RELN: variants seen among roughly 807,000 people sequenced by gnomAD.
The protein encoded by RELN is reelin.
RELN carries 108 observed loss-of-function variants against 427.6 expected under a neutral mutation model. The observed-to-expected ratio is 0.25, with a 90% confidence interval of 0.22 to 0.30. RELN has a LOEUF of 0.30. Among genes scored for constraint, RELN ranks in the 10% least tolerant of loss-of-function variants. The pLI is 1.00. For missense variants in RELN, 3,715 were observed against 4,302.8 expected (o/e 0.86, Z 3.82); for synonymous variants, 1,524 against 1,513.4 (o/e 1.01, Z -0.16).
intron 1 of RELN, among the ~76,000 whole-genome samples, chr7:103,974,590 A>G (rs10237086): frequency 0.7 from 106,357 of 152,156 alleles, 37,756 homozygotes; most frequent in African/African-American, 0.82. Flanking sequence ...CTTAACTTAT[A>G]GGATATCAAT....
intron 2 of RELN, among the ~76,000 whole-genome samples, chr7:103,853,440 T>C (rs1241893520): frequency 6.6e-6 from 1 of 152,024 alleles, no homozygotes; most frequent in Non-Finnish European, 1.5e-5. Flanking sequence ...TGAATGAGTA[T>C]ATTTCTACCA....
intron 2 of RELN, among the ~76,000 whole-genome samples, chr7:103,854,451 T>A (rs10244283): frequency 0.14 from 21,769 of 152,186 alleles, 1,851 homozygotes; most frequent in East Asian, 0.39. Flanking sequence ...ATTGCTTTTT[T>A]AAAATATTTT....
intron 3 of RELN, among the ~76,000 whole-genome samples, chr7:103,819,722 TATTTCAAATAATGAAA>T (rs1251689454): frequency 6.6e-6 from 1 of 152,066 alleles, no homozygotes; most frequent in African/African-American, 2.4e-5. Flanking sequence ...TTTCAAAAAA[TATTTCAAATAATGAAA>T]TATTTGAGAA....
intron 50 of RELN, among the ~76,000 whole-genome samples, chr7:103,514,406 T>C (rs1225890933): frequency 6.6e-6 from 1 of 152,178 alleles, no homozygotes; most frequent in Admixed American, 6.5e-5. Context: ...ACGCCTGTAA[T>C]CTCAGCACAC....
chr7:103,590,281 C>T (rs747606237), intron 27 of RELN, among the ~76,000 whole-genome samples: 7 of 152,132 alleles, frequency 4.6e-5, no homozygotes, highest in East Asian at 1.9e-4. Flanking sequence ...CAGTGTCAAC[C>T]GGCTGGGTGC....
chr7:103,498,897 G>T (rs1287476077), intron 53 of RELN, among the ~76,000 whole-genome samples: 1 of 152,142 alleles, frequency 6.6e-6, no homozygotes, highest in Non-Finnish European at 1.5e-5. Flanking sequence ...TTATTGTAAT[G>T]TATTATATTA....
intron 11 of RELN, among the ~76,000 whole-genome samples, chr7:103,681,393 A>G (rs1003064475): frequency 6.6e-6 from 1 of 152,204 alleles, no homozygotes; most frequent in African/African-American, 2.4e-5. Flanking sequence ...ATGAAATTAT[A>G]TTTAATGTTA....
chr7:103,983,779 T>C (rs1015088785), intron 1 of RELN, among the ~76,000 whole-genome samples: 2 of 152,154 alleles, frequency 1.3e-5, no homozygotes, highest in Non-Finnish European at 2.9e-5. Context: ...CATTCCAACC[T>C]AATGCACTCC....
chr7:103,920,716 G>A (rs1795599804), intron 1 of RELN, among the ~76,000 whole-genome samples: 1 of 151,902 alleles, frequency 6.6e-6, no homozygotes, highest in Non-Finnish European at 1.5e-5. Flanking sequence ...TGTGACTATA[G>A]GGGTGTGCCA....
At chr7:103,477,796 A>G (rs921707192) in intron 64 of RELN, among the ~76,000 whole-genome samples, 2 of 152,230 alleles carry the variant, frequency 1.3e-5, no homozygotes, top group Non-Finnish European at 2.9e-5. Flanking sequence ...AAAGAATCTC[A>G]GAGGACAAAT....
At chr7:103,794,381 C>G (rs1792245804) in intron 3 of RELN, among the ~76,000 whole-genome samples, 1 of 152,154 alleles carries the variant, frequency 6.6e-6, no homozygotes, top group Non-Finnish European at 1.5e-5. Context: ...TCACAACCAT[C>G]ACTATCAGCA....
At chr7:103,765,304 G>A (rs546017681) in intron 4 of RELN, among the ~76,000 whole-genome samples, 3 of 152,246 alleles carry the variant, frequency 2.0e-5, no homozygotes, top group African/African-American at 7.2e-5. Flanking sequence ...ACATTTTTCT[G>A]CAAATGTGTC....
At chr7:103,601,828 C>A in intron 24 of RELN, among the ~76,000 whole-genome samples, 1 of 152,170 alleles carries the variant, frequency 6.6e-6, no homozygotes, top group East Asian at 1.9e-4. Flanking sequence ...CCAAGAGCAT[C>A]AATTTTAGTG....
intron 24 of RELN, among the ~76,000 whole-genome samples, chr7:103,598,188 A>G (rs1473303448): frequency 2.6e-5 from 4 of 152,234 alleles, no homozygotes; most frequent in African/African-American, 9.6e-5. Context: ...AGAGTTTTCA[A>G]AATAAACAAG....
intron 6 of RELN, among the ~76,000 whole-genome samples, chr7:103,747,059 T>C (rs551966508): frequency 8.5e-5 from 13 of 152,168 alleles, no homozygotes; most frequent in Non-Finnish European, 1.6e-4. Context: ...GTGTCACATA[T>C]ACACCATGGA....
intron 45 of RELN, 69 bp downstream of exon 45, chr7:103,539,009 T>G: frequency 6.3e-7 from 1 of 1,578,964 alleles, no homozygotes; most frequent in Non-Finnish European, 8.7e-7. Context: ...AGAGTAGTCC[T>G]ATGACAGAGG....
At chr7:103,695,276 T>C (rs1833954320) in intron 10 of RELN, among the ~76,000 whole-genome samples, 2 of 152,164 alleles carry the variant, frequency 1.3e-5, no homozygotes, top group Admixed American at 1.3e-4. Context: ...TGAACTAAAA[T>C]GACAAATTCT....
In RELN at chr7:103,575,553, T is replaced by C; in HGVS notation, c.4298A>G (p.Tyr1433Cys). The C allele has an allele frequency of 6.2e-7, 1 of 1,614,118 alleles. No individual in the cohort carries two copies. Among genetic ancestry groups the C allele is most frequent in the Non-Finnish European group, 8.5e-7 (1 of 1,179,964 alleles). Residue 1433 changes from tyrosine (Y) to cysteine (C), a missense_variant, in exon 29 of 65, where the codon TAT becomes TGT. Transcript: ENST00000428762. ...ACACATGTATTTAGCCTTACCAGTA[T>C]ATCCCAGGTCACAGAAACACACTCC... is the stretch of plus-strand genomic sequence containing the variant. ...ISGVCFCDLGYTAAQGTCVSN... is the reference protein window; with the variant it reads ...ISGVCFCDLGCTAAQGTCVSN...
chr7:103,986,762 C>G (rs1344457635), intron 1 of RELN, among the ~76,000 whole-genome samples: 1 of 151,660 alleles, frequency 6.6e-6, no homozygotes, highest in East Asian at 1.9e-4. Context: ...CTTTAAAGAT[C>G]CAGAAGGTTA....
Sources: gnomAD v4.1 joint callset for allele counts (sites outside exome capture counted in the v4.1 genomes callset) on GRCh38, gnomAD v4.1.1 for gene constraint, MANE v1.5 for transcripts, NCBI Gene and HGNC (gene_info 2026-07-23, HGNC 2026-07-21) for gene names.